Variants in GLYATL1B observed in about 807,000 individuals in gnomAD.
The protein encoded by GLYATL1B is putative glycine N-acyltransferase-like protein 1B.
A neutral mutation model predicts 5.5 loss-of-function variants in GLYATL1B; 6 were observed. That is an observed-to-expected ratio of 1.09 (90% CI 0.60 to 2.15). GLYATL1B has a LOEUF of 2.15. Among genes scored for constraint, GLYATL1B ranks in the 30% most tolerant of loss-of-function variants. The probability of loss-of-function intolerance (pLI) is 0.00; values close to 1 mark genes in which losing one functional copy is unlikely to be tolerated. For missense variants in GLYATL1B, 135 were observed against 94.1 expected, an observed-to-expected ratio of 1.43 and a Z score of -1.80; for synonymous variants, 67 against 34.9, an observed-to-expected ratio of 1.92 and a Z score of -3.24.
chr11:59,092,874 T>C (rs1367633926), intron 2 of GLYATL1B, among the ~76,000 whole-genome samples: 1 of 152,230 alleles, frequency 6.6e-6, no homozygotes, highest in Admixed American at 6.5e-5. Context: ...TCCTTAATGT[T>C]TATATTCACT....
intron 2 of GLYATL1B, among the ~76,000 whole-genome samples, chr11:59,092,454 CTT>C (rs1191061939): frequency 6.6e-6 from 1 of 152,122 alleles, no homozygotes; most frequent in Non-Finnish European, 1.5e-5. Context: ...AACATCTACT[CTT>C]TTAAATTCAC....
Position 59,094,104 on chromosome 11 carries a change from T to C in GLYATL1B, c.484T>C (p.Leu162=). The C allele has an allele frequency of 4.8e-6, 3 of 624,074 alleles. No individual in the cohort carries two copies. The highest frequency in any genetic ancestry group is 4.6e-5 in the South Asian group (2 of 43,390). 38.7% of individuals were successfully genotyped at this position (624,074 alleles called of 1,614,324 possible). A position where few individuals can be genotyped will look rare whatever the true frequency, so the allele number is the denominator to read the frequency against. ...TGAGACAGGCCACCCAGATGACGAA[T>C]TGGAGAGGTACAAAAAACATGTGCT... ...WAETGHPDDE[L]ESETPNFKYA... is the part of the protein sequence containing the mutation. Residue 162 remains leucine (L), a synonymous_variant, in exon 4 of 5, where the codon TTG becomes CTG. Coordinates refer to ENST00000527482, the MANE Select transcript of GLYATL1B (RefSeq NM_001355566.1).
At chr11:59,092,273 G>T (rs1329976440) in intron 2 of GLYATL1B, among the ~76,000 whole-genome samples, 2 of 149,504 alleles carry the variant, frequency 1.3e-5, no homozygotes, top group Non-Finnish European at 3.0e-5. Flanking sequence ...TGAACTTTTG[G>T]CTTTATATAT....
chr11:59,092,515 A>G (rs1205628258), intron 2 of GLYATL1B, among the ~76,000 whole-genome samples: 1 of 152,196 alleles, frequency 6.6e-6, no homozygotes, highest in Non-Finnish European at 1.5e-5. Context: ...TTATAAAAGC[A>G]TCCTCAAATT....
chr11:59,093,459 A>G (rs1859363002), intron 2 of GLYATL1B, 70 bp from the exon 3 acceptor site: 1 of 461,962 alleles, frequency 2.2e-6, no homozygotes, highest in Non-Finnish European at 4.0e-6. Flanking sequence ...CATTTTTCTA[A>G]TAATTGCAAT....
chr11:59,088,548 T>C (rs1327427813), intron 2 of GLYATL1B, among the ~76,000 whole-genome samples: 2 of 152,202 alleles, frequency 1.3e-5, no homozygotes, highest in Non-Finnish European at 2.9e-5. Flanking sequence ...TGATCCATGG[T>C]CCAATTTCTT....
Position 59,093,621 on chromosome 11 carries a change from G to C in GLYATL1B, c.279G>C (p.Glu93Asp). ...QKSQEVLKNS[E>D]IINWKQKLQI... ...CACAAGAAGTTTTGAAAAATTCTGA[G>C]ATCATAAACTGGAAACAGAAACTCC... Residue 93 changes from glutamate (E) to aspartate (D), a missense_variant, in exon 3 of 5, where the codon GAG becomes GAC. Coordinates refer to ENST00000527482, the MANE Select transcript of GLYATL1B (RefSeq NM_001355566.1). The C allele has an allele frequency of 2.0e-6, 1 of 490,480 alleles. No individual in the cohort carries two copies. The highest frequency in any genetic ancestry group is 3.7e-6 in the Non-Finnish European group (1 of 273,964). 30.4% of individuals were successfully genotyped at this position (490,480 alleles called of 1,614,324 possible).
chr11:59,087,426 C>G (rs570821006), intron 2 of GLYATL1B, among the ~76,000 whole-genome samples: 15 of 152,090 alleles, frequency 9.9e-5, no homozygotes, highest in Non-Finnish European at 7.4e-5. Flanking sequence ...GATTAAGGGC[C>G]CTTTGAGGTG....
intron 2 of GLYATL1B, among the ~76,000 whole-genome samples, chr11:59,089,027 C>T (rs1285547545): frequency 6.6e-6 from 1 of 152,132 alleles, no homozygotes; most frequent in African/African-American, 2.4e-5. Context: ...TAACCTCTCA[C>T]CTCTTTGCCC....
At chr11:59,092,293 T>A (rs1468044974) in intron 2 of GLYATL1B, among the ~76,000 whole-genome samples, 1 of 152,154 alleles carries the variant, frequency 6.6e-6, no homozygotes, top group Non-Finnish European at 1.5e-5. Flanking sequence ...TCATTTGCAC[T>A]GTGTCTTGTT....
chr11:59,089,461 T>C (rs2135382036), intron 2 of GLYATL1B, among the ~76,000 whole-genome samples: 1 of 152,270 alleles, frequency 6.6e-6, no homozygotes, highest in South Asian at 2.1e-4. Flanking sequence ...TTATTTCCAT[T>C]AGCAATCTGT....
intron 2 of GLYATL1B, among the ~76,000 whole-genome samples, chr11:59,089,746 G>C (rs1188479022): frequency 6.6e-6 from 1 of 152,154 alleles, no homozygotes; most frequent in Non-Finnish European, 1.5e-5. Context: ...CAAGGTGTAT[G>C]CTACAAATTT....
chr11:59,091,178 T>C (rs567951), intron 2 of GLYATL1B, among the ~76,000 whole-genome samples: 68,204 of 151,698 alleles, frequency 0.45, 15,657 homozygotes, highest in Admixed American at 0.53. Context: ...TCTGTATTCA[T>C]AAGCCAATAT....
chr11:59,087,279 T>A, intron 2 of GLYATL1B, 108 bp downstream of exon 2: 1 of 440,020 alleles, frequency 2.3e-6, no homozygotes, highest in South Asian at 7.8e-5. Context: ...GAAATGTGAG[T>A]ATTTTAAAAC....
At chr11:59,088,203 C>T (rs1374201235) in intron 2 of GLYATL1B, among the ~76,000 whole-genome samples, 3 of 152,184 alleles carry the variant, frequency 2.0e-5, no homozygotes, top group African/African-American at 4.8e-5. Context: ...TGAGATACCA[C>T]ATGTCAAACA....
chr11:59,092,130 T>C (rs746540167), intron 2 of GLYATL1B, among the ~76,000 whole-genome samples: 1 of 152,152 alleles, frequency 6.6e-6, no homozygotes, highest in Non-Finnish European at 1.5e-5. Flanking sequence ...TTTCCTTTTC[T>C]GTTTCCATTC....
intron 2 of GLYATL1B, among the ~76,000 whole-genome samples, chr11:59,087,989 G>C (rs1168518988): frequency 1.3e-5 from 2 of 152,222 alleles, no homozygotes; most frequent in Non-Finnish European, 2.9e-5. Flanking sequence ...CTTTAATTTA[G>C]AGATGAGGAA....
chr11:59,089,650 G>C (rs1859267083), intron 2 of GLYATL1B, among the ~76,000 whole-genome samples: 1 of 151,994 alleles, frequency 6.6e-6, no homozygotes, highest in Non-Finnish European at 1.5e-5. Flanking sequence ...CTTCTGAACT[G>C]TTTATATTGT....
intron 2 of GLYATL1B, among the ~76,000 whole-genome samples, chr11:59,092,234 T>C (rs73487327): frequency 0.014 from 2,056 of 152,114 alleles, 39 homozygotes; most frequent in African/African-American, 0.047. Flanking sequence ...TCTCTCTCTC[T>C]TCTGCTCTTT....
Sources: gnomAD v4.1 joint callset for allele counts (sites outside exome capture counted in the v4.1 genomes callset) on GRCh38, gnomAD v4.1.1 for gene constraint, MANE v1.5 for transcripts, NCBI Gene and HGNC (gene_info 2026-07-23, HGNC 2026-07-21) for gene names.